RARB: variants seen among roughly 807,000 people sequenced by gnomAD.
The protein encoded by RARB is retinoic acid receptor beta, also known as HBV-activated protein.
A neutral mutation model predicts 51.9 loss-of-function variants in RARB; 17 were observed. The ratio of observed to expected loss-of-function variants is 0.33; its 90% CI spans 0.22 to 0.49. The LOEUF (loss-of-function observed/expected upper bound fraction) is 0.49. RARB is among the 20% of genes least tolerant of loss of function. The pLI is 0.99. For missense variants in RARB, 369 were observed against 550.8 expected (o/e 0.67, Z 3.30); for synonymous variants, 215 against 195.4 (o/e 1.10, Z -0.84).
chr3:25,374,089 A>G (rs1466925155), intron 5 of RARB, among the ~76,000 whole-genome samples: 1 of 152,170 alleles, frequency 6.6e-6, no homozygotes, highest in African/African-American at 2.4e-5. Flanking sequence ...TAACCTCCAG[A>G]GGCCCAAGAG....
At chr3:25,507,830 C>T (rs979849315) in intron 3 of RARB, among the ~76,000 whole-genome samples, 4 of 152,186 alleles carry the variant, frequency 2.6e-5, no homozygotes, top group Admixed American at 1.3e-4. Flanking sequence ...GAGTAGTATA[C>T]CCTGGATGCC....
At chr3:24,890,159 T>C (rs1260679363) in intron 2 of RARB, among the ~76,000 whole-genome samples, 1 of 152,142 alleles carries the variant, frequency 6.6e-6, no homozygotes, top group Non-Finnish European at 1.5e-5. Flanking sequence ...CTTTATCAAG[T>C]TCCTAGCCTC....
In RARB at chr3:25,402,702, G is replaced by A. The variant is rs181478849; in HGVS notation, c.179-58491G>A. 2.8e-4 allele frequency among the ~76,000 whole-genome samples: 42 copies of A among 152,218 alleles called. 1 individual carries two copies. Among genetic ancestry groups the A allele is most frequent in the Middle Eastern group, 6.8e-3 (2 of 294 alleles). On this transcript the variant is annotated intron_variant, in intron 5 of 11. Transcript: ENST00000383772. ...TTATGTTAAGTGAAATAAGCCAGGC[G>A]CAGAAAGACAAATGTCGCATGTTCT...
chr3:25,485,367 T>C (rs1453237509), intron 2 of RARB, among the ~76,000 whole-genome samples: 1 of 152,228 alleles, frequency 6.6e-6, no homozygotes, highest in Non-Finnish European at 1.5e-5. Context: ...GAGTGGTTAG[T>C]GGTCTCTGGC....
chr3:25,256,280 G>C (rs1195521398), intron 5 of RARB, among the ~76,000 whole-genome samples: 1 of 152,102 alleles, frequency 6.6e-6, no homozygotes, highest in South Asian at 2.1e-4. Flanking sequence ...CTCCATCAGA[G>C]AAAGGAATTA....
intron 5 of RARB, among the ~76,000 whole-genome samples, chr3:25,308,304 A>G (rs1477407036): frequency 6.6e-6 from 1 of 152,172 alleles, no homozygotes; most frequent in Admixed American, 6.5e-5. Flanking sequence ...AGCAAGTACA[A>G]ATCTATCTCC....
chr3:24,997,756 G>A (rs1325185855), intron 2 of RARB, among the ~76,000 whole-genome samples: 2 of 152,028 alleles, frequency 1.3e-5, no homozygotes, highest in East Asian at 3.9e-4. Context: ...AACTTACTTT[G>A]CAGCCTATTC....
intron 2 of RARB, among the ~76,000 whole-genome samples, chr3:24,895,133 A>T (rs1399096889): frequency 1.3e-5 from 2 of 152,216 alleles, no homozygotes; most frequent in African/African-American, 4.8e-5. Flanking sequence ...TTTTCACAAG[A>T]ATCATTTGGT....
intron 5 of RARB, among the ~76,000 whole-genome samples, chr3:25,420,066 C>T (rs1286442474): frequency 6.6e-6 from 1 of 152,070 alleles, no homozygotes; most frequent in Admixed American, 6.6e-5. Context: ...ACCAAAAATA[C>T]TTAACATTGT....
chr3:25,588,828 C>T (rs947450399), intron 5 of RARB, among the ~76,000 whole-genome samples: 2 of 152,170 alleles, frequency 1.3e-5, no homozygotes, highest in African/African-American at 4.8e-5. Flanking sequence ...CTTGAAATGT[C>T]AGCTAGCTTC....
chr3:25,118,164 A>G lies in RARB; in HGVS notation c.-327-13997A>G, dbSNP rs1351429937. Among the ~76,000 whole-genome samples, 8 of 152,166 alleles carry G rather than the reference A, an allele frequency of 5.3e-5. 1 individual carries two copies. Among genetic ancestry groups the G allele is most frequent in the Non-Finnish European group, 1.0e-4 (7 of 68,022 alleles). On this transcript the variant is annotated intron_variant, in intron 3 of 11. Transcript: ENST00000383772. ...ACTTTTTCTAGAGAGGACACTGTAT[A>G]ATGTCATGAATGGTGTCCTCATCAT...
At chr3:25,279,995 T>C (rs1703482961) in intron 5 of RARB, among the ~76,000 whole-genome samples, 1 of 152,050 alleles carries the variant, frequency 6.6e-6, no homozygotes, top group Non-Finnish European at 1.5e-5. Context: ...ATTGCTAGAT[T>C]TGCGGCTGAG....
chr3:25,462,120 C>T (rs1172367553), intron 2 of RARB, among the ~76,000 whole-genome samples: 4 of 152,112 alleles, frequency 2.6e-5, no homozygotes, highest in African/African-American at 9.7e-5. Flanking sequence ...TGATTTTCAG[C>T]CTGTAGGGAC....
intron 5 of RARB, among the ~76,000 whole-genome samples, chr3:25,381,033 T>C (rs1178510101): frequency 3.3e-5 from 5 of 152,176 alleles, no homozygotes; most frequent in African/African-American, 1.2e-4. Flanking sequence ...TTGTTTCTCT[T>C]CCTTCACTCA....
At chr3:25,075,683 A>C (rs895638855) in intron 3 of RARB, among the ~76,000 whole-genome samples, 2 of 152,118 alleles carry the variant, frequency 1.3e-5, no homozygotes, top group Non-Finnish European at 2.9e-5. Context: ...GGAAAAAAAA[A>C]AAAAACCTGT....
chr3:24,913,344 A>T (rs959601135), intron 2 of RARB, among the ~76,000 whole-genome samples: 22 of 150,150 alleles, frequency 1.5e-4, no homozygotes, highest in African/African-American at 4.9e-4. Flanking sequence ...TTTACAGACA[A>T]TTGTAGAGAC....
intron 4 of RARB, among the ~76,000 whole-genome samples, chr3:25,166,212 A>T (rs896777674): frequency 6.6e-6 from 1 of 152,202 alleles, no homozygotes; most frequent in African/African-American, 2.4e-5. Flanking sequence ...AGTTGAGAGT[A>T]ATTTTATCAG....
chr3:25,425,293 G>C (rs996584112), upstream of RARB, among the ~76,000 whole-genome samples: 2 of 152,184 alleles, frequency 1.3e-5, no homozygotes, highest in East Asian at 3.9e-4. Flanking sequence ...AAGAATTATG[G>C]CTTATTTATG....
chr3:24,964,069 C>T (rs190699097), intron 2 of RARB, among the ~76,000 whole-genome samples: 10 of 152,132 alleles, frequency 6.6e-5, no homozygotes, highest in African/African-American at 1.9e-4. Flanking sequence ...TGTTTTTCTT[C>T]TGTTTTGATT....
Sources: gnomAD v4.1 joint callset for allele counts (sites outside exome capture counted in the v4.1 genomes callset) on GRCh38, gnomAD v4.1.1 for gene constraint, MANE v1.5 for transcripts, NCBI Gene and HGNC (gene_info 2026-07-23, HGNC 2026-07-21) for gene names.